Variants in DCDC1 observed in about 807,000 individuals in gnomAD.
DCDC1 encodes doublecortin domain-containing protein 1.
Under a neutral mutation model 178.3 loss-of-function variants are expected in DCDC1, and 200 were observed. The observed-to-expected ratio is 1.12, with a 90% confidence interval of 1.00 to 1.26. The LOEUF (loss-of-function observed/expected upper bound fraction) is 1.26, where lower values mean the gene tolerates loss of function less well. DCDC1 is among the 50% of genes most tolerant of loss of function. The probability of loss-of-function intolerance (pLI) is 0.00; values close to 1 mark genes in which losing one functional copy is unlikely to be tolerated. For synonymous variants in DCDC1, 690 were observed against 604.8 expected (o/e 1.14, Z -2.07); for missense variants, 1,983 against 1,749.2 (o/e 1.13, Z -2.38).
intron 20 of DCDC1, among the ~76,000 whole-genome samples, chr11:30,954,793 T>C (rs1473394673): frequency 1.3e-5 from 2 of 152,220 alleles, no homozygotes; most frequent in African/African-American, 2.4e-5. Flanking sequence ...CTGAGATCCC[T>C]TAGCCCCATC....
At position 31,357,092 on chromosome 11, in the gene DCDC1, G is replaced by C. The variant is rs367596514; in HGVS notation, c.-125+12605C>G. Among the ~76,000 whole-genome samples the C allele has an allele frequency of 2.5e-3, 383 of 151,988 alleles. 1 individual carries two copies. Among genetic ancestry groups the C allele is most frequent in the African/African-American group, 4.9e-3 (205 of 41,454 alleles). On this transcript the variant is annotated intron_variant, in intron 1 of 38. Coordinates refer to ENST00000684477, the MANE Select transcript of DCDC1 (RefSeq NM_001387274.1). Reference sequence around the variant, plus strand: ...ATCCTCCCTAACTCATTTTATGAGGGCAGCATCATCCTGATACCAAAGCCG... The same window carrying C: ...ATCCTCCCTAACTCATTTTATGAGGCCAGCATCATCCTGATACCAAAGCCG...
intron 20 of DCDC1, among the ~76,000 whole-genome samples, chr11:30,989,064 G>A (rs1406320150): frequency 3.3e-5 from 5 of 152,150 alleles, no homozygotes; most frequent in Non-Finnish European, 2.9e-5. Flanking sequence ...CCAGGAAGTG[G>A]AGAGGTAATA....
chr11:31,042,198 T>A (rs1954506588), intron 20 of DCDC1, among the ~76,000 whole-genome samples: 1 of 151,996 alleles, frequency 6.6e-6, no homozygotes, highest in Non-Finnish European at 1.5e-5. Flanking sequence ...TGGCTAACTA[T>A]CTGAGTGGCC....
At chr11:31,040,956 A>G (rs1173342024) in intron 20 of DCDC1, among the ~76,000 whole-genome samples, 1 of 152,240 alleles carries the variant, frequency 6.6e-6, no homozygotes, top group African/African-American at 2.4e-5. Flanking sequence ...AATATCTCAA[A>G]TAAGTTTTGC....
intron 20 of DCDC1, among the ~76,000 whole-genome samples, chr11:30,995,403 A>T: frequency 6.6e-6 from 1 of 152,148 alleles, no homozygotes; most frequent in East Asian, 1.9e-4. Context: ...AGATTTCGAC[A>T]AGCTGGTTCT....
chr11:30,991,368 A>T (rs768604621), intron 20 of DCDC1, among the ~76,000 whole-genome samples: 1 of 152,222 alleles, frequency 6.6e-6, no homozygotes, highest in Non-Finnish European at 1.5e-5. Flanking sequence ...GTCCCATGCA[A>T]GGTCACCAGG....
intron 32 of DCDC1, among the ~76,000 whole-genome samples, chr11:30,901,451 T>C (rs1286243850): frequency 1.3e-5 from 2 of 152,156 alleles, no homozygotes; most frequent in Non-Finnish European, 2.9e-5. Flanking sequence ...CATCTTCCAG[T>C]GAAGCCTGTG....
intron 20 of DCDC1, among the ~76,000 whole-genome samples, chr11:30,976,392 G>T (rs1950103186): frequency 6.6e-6 from 1 of 152,084 alleles, no homozygotes; most frequent in Non-Finnish European, 1.5e-5. Flanking sequence ...AAAGTAAAAA[G>T]AGTATCTGTT....
At chr11:30,920,978 T>C in intron 24 of DCDC1, 43 bp from the exon 25 acceptor site, 1 of 1,558,974 alleles carries the variant, frequency 6.4e-7, no homozygotes, top group African/African-American at 1.4e-5. Context: ...TTACTTACAA[T>C]TGCAGAGCAT....
intron 3 of DCDC1, among the ~76,000 whole-genome samples, chr11:31,314,198 T>A (rs1262225916): frequency 3.3e-5 from 5 of 152,198 alleles, no homozygotes. Flanking sequence ...CAATTTATCA[T>A]TGCATTATTT....
chr11:31,280,615 A>G (rs1294085587), intron 7 of DCDC1: 1 of 416,780 alleles, frequency 2.4e-6, no homozygotes, highest in African/African-American at 2.0e-5. Flanking sequence ...TGGTATACAT[A>G]AAAAAGTCAT....
intron 34 of DCDC1, among the ~76,000 whole-genome samples, chr11:30,895,189 T>C (rs925180989): frequency 1.3e-5 from 2 of 152,202 alleles, no homozygotes; most frequent in African/African-American, 4.8e-5. Context: ...AAAACCTATA[T>C]TGAGCAACAG....
At chr11:30,947,817 T>C (rs1948144975) in intron 21 of DCDC1, among the ~76,000 whole-genome samples, 2 of 151,756 alleles carry the variant, frequency 1.3e-5, no homozygotes, top group Non-Finnish European at 2.9e-5. Context: ...AAACTACACA[T>C]CTGAGAAGGG....
At chr11:31,196,005 C>G (rs1970650077) in intron 9 of DCDC1, among the ~76,000 whole-genome samples, 1 of 151,936 alleles carries the variant, frequency 6.6e-6, no homozygotes, top group Non-Finnish European at 1.5e-5. Context: ...CATCCAAGAT[C>G]TTAACATCAA....
chr11:30,867,642 T>C (rs1049547983), intron 38 of DCDC1, among the ~76,000 whole-genome samples: 1 of 152,280 alleles, frequency 6.6e-6, no homozygotes, highest in South Asian at 2.1e-4. Flanking sequence ...CCTCCAGACC[T>C]TGGCTACCAC....
At chr11:31,216,175 G>A (rs921997507) in intron 9 of DCDC1, among the ~76,000 whole-genome samples, 2 of 152,144 alleles carry the variant, frequency 1.3e-5, no homozygotes, top group African/African-American at 4.8e-5. Context: ...GCAGAAAGGG[G>A]TTGCAACTAT....
rs746628378 is a variant in DCDC1 at position 31,306,317 on chromosome 11, A to G, written c.506T>C (p.Leu169Pro). Reference sequence around the variant, plus strand: ...TGTTACTTTAATCACTCTTGGTTGAAGTTTGTGTCTTTGAGACAATTTCTG... The same window carrying G: ...TGTTACTTTAATCACTCTTGGTTGAGGTTTGTGTCTTTGAGACAATTTCTG... ...NWQKLSQRHK[L>P]QPRVIKVTAY... The change falls in exon 5 of 39, where the codon CTT becomes CCT. Residue 169 changes from leucine (L) to proline (P), a missense_variant. Physicochemically the swap from Leu to Pro is moderately conservative, Grantham distance 98 (BLOSUM62 -3). Coordinates refer to ENST00000684477, the MANE Select transcript of DCDC1 (RefSeq NM_001387274.1). The G allele has an allele frequency of 3.7e-6, 6 of 1,611,010 alleles. No homozygotes were observed. The South Asian group carries it at 6.6e-5, about 18-fold the overall frequency.
At chr11:30,928,233 G>C (rs1033526550) in intron 22 of DCDC1, among the ~76,000 whole-genome samples, 1 of 151,898 alleles carries the variant, frequency 6.6e-6, no homozygotes, top group Non-Finnish European at 1.5e-5. Context: ...GCATTTGCCG[G>C]CTCCTCTTCA....
At chr11:31,274,873 G>A (rs1945865425) in intron 7 of DCDC1, among the ~76,000 whole-genome samples, 1 of 151,920 alleles carries the variant, frequency 6.6e-6, no homozygotes, top group Non-Finnish European at 1.5e-5. Context: ...GCTAATTTTT[G>A]TATTTTTAGT....
Sources: allele counts gnomAD v4.1 joint callset (sites outside exome capture counted in the v4.1 genomes callset), GRCh38; gene constraint gnomAD v4.1.1; transcripts MANE v1.5; gene names NCBI Gene and HGNC (gene_info 2026-07-23, HGNC 2026-07-21).